WDFY3: variants seen among roughly 807,000 people sequenced by gnomAD.
WDFY3 encodes the protein WD repeat and FYVE domain-containing protein 3.
WDFY3 carries 66 observed loss-of-function variants against 409.6 expected under a neutral mutation model. The observed-to-expected ratio is 0.16, with a 90% CI of 0.13 to 0.20. The LOEUF (loss-of-function observed/expected upper bound fraction) is 0.20, where lower values mean the gene tolerates loss of function less well. WDFY3 is among the 10% of genes least tolerant of loss of function. The pLI is 1.00. For synonymous variants in WDFY3, 1,521 were observed against 1,537.1 expected, an observed-to-expected ratio of 0.99 and a Z score of 0.25; for missense variants, 3,031 against 4,298.1, an observed-to-expected ratio of 0.71 and a Z score of 8.24.
chr4:84,829,373 C>G (rs1560866989), intron 8 of WDFY3, among the ~76,000 whole-genome samples, 183 bp from the exon 9 acceptor site: 1 of 151,960 alleles, frequency 6.6e-6, no homozygotes, highest in Non-Finnish European at 1.5e-5. Flanking sequence ...AGCACTGCCT[C>G]TAGGTAGTAA....
chr4:84,696,658 A>C, intron 57 of WDFY3, 74 bp downstream of exon 57: 2 of 1,442,214 alleles, frequency 1.4e-6, no homozygotes, highest in Non-Finnish European at 1.9e-6. Context: ...TACTCTGGCT[A>C]GAGGCCCTGT....
intron 27 of WDFY3, among the ~76,000 whole-genome samples, chr4:84,778,208 A>G (rs1745884896): frequency 6.6e-6 from 1 of 152,182 alleles, no homozygotes; most frequent in African/African-American, 2.4e-5. Flanking sequence ...TTTCTATCAG[A>G]ATTGCCTGAT....
chr4:84,851,916 C>CCAT (rs1175840949), intron 4 of WDFY3, among the ~76,000 whole-genome samples: 1 of 112,382 alleles, frequency 8.9e-6, no homozygotes, highest in African/African-American at 3.7e-5. Context: ...AGACTGGCAA[C>CCAT]AATAATAATA....
At chr4:84,777,459 C>T (rs900411537) in intron 27 of WDFY3, among the ~76,000 whole-genome samples, 1 of 151,884 alleles carries the variant, frequency 6.6e-6, no homozygotes, top group Non-Finnish European at 1.5e-5. Context: ...CACCTGAAAG[C>T]TAGCAAAAGA....
At chr4:84,768,023 C>T (rs765579050) in intron 30 of WDFY3, among the ~76,000 whole-genome samples, 1 of 152,120 alleles carries the variant, frequency 6.6e-6, no homozygotes, top group African/African-American at 2.4e-5. Context: ...GCCGAGGCTG[C>T]AGTGAGCCAT....
intron 19 of WDFY3, 22 bp downstream of exon 19, chr4:84,796,498 TG>T: frequency 5.3e-6 from 8 of 1,498,006 alleles, no homozygotes; most frequent in Non-Finnish European, 7.2e-6. Flanking sequence ...CCATAAAGGT[TG>T]GCTTCCTTGC....
chr4:84,777,998 T>C (rs1407648425), intron 27 of WDFY3, among the ~76,000 whole-genome samples: 3 of 152,132 alleles, frequency 2.0e-5, no homozygotes, highest in Non-Finnish European at 4.4e-5. Context: ...CAAGGGTATG[T>C]AGGACAGCCT....
At chr4:84,934,426 T>C (rs1436469795) in intron 1 of WDFY3, among the ~76,000 whole-genome samples, 1 of 152,200 alleles carries the variant, frequency 6.6e-6, no homozygotes, top group African/African-American at 2.4e-5. Context: ...AGAAATATCC[T>C]GAATTATTTC....
chr4:84,716,279 A>C (rs1263299692), intron 49 of WDFY3, among the ~76,000 whole-genome samples: 1 of 150,924 alleles, frequency 6.6e-6, no homozygotes, highest in Non-Finnish European at 1.5e-5. Context: ...CTACTAAAAA[A>C]CAGAAAAAAA....
At chr4:84,792,687 G>A (rs1345093484) in intron 21 of WDFY3, among the ~76,000 whole-genome samples, 2 of 152,082 alleles carry the variant, frequency 1.3e-5, no homozygotes, top group African/African-American at 4.8e-5. Context: ...ATTACATTTA[G>A]TAATAAAAAT....
intron 5 of WDFY3, among the ~76,000 whole-genome samples, chr4:84,843,122 T>C (rs1389664221): frequency 6.6e-6 from 1 of 152,232 alleles, no homozygotes; most frequent in Non-Finnish European, 1.5e-5. Flanking sequence ...TTTCTACTAA[T>C]ATATTCCTTA....
At position 84,702,437 on chromosome 4, in the gene WDFY3, G is replaced by A; in HGVS notation, c.8512C>T (p.His2838Tyr). The A allele has an allele frequency of 1.2e-6, 2 of 1,613,894 alleles. No individual in the cohort carries two copies. Among genetic ancestry groups the A allele is most frequent in the Non-Finnish European group, 1.7e-6 (2 of 1,179,968 alleles). Residue 2838 changes from histidine (H) to tyrosine (Y), a missense_variant, in exon 56 of 68, where the codon CAC becomes TAC. Around this residue, in one of 16 missense-constraint regions of WDFY3, gnomAD observed 129 missense variants for 305.3 expected, o/e 0.42. Transcript: ENST00000295888. Reference sequence around the variant, plus strand: ...AGTTCTTTTACATCTGCCATATTGTGCTTTGACGCTGAATACCAGGCCTCG... The same window carrying A: ...AGTTCTTTTACATCTGCCATATTGTACTTTGACGCTGAATACCAGGCCTCG... ...VREAWYSASK[H>Y]NMADVKELIP...
rs945203495 is a variant in WDFY3, at chr4:84,960,596, A to G, written c.-226+5613T>C. On this transcript the variant is annotated intron_variant, in intron 1 of 67. Coordinates refer to ENST00000295888, the MANE Select transcript of WDFY3 (RefSeq NM_014991.6). Reference sequence around the variant, plus strand: ...TACGGGGTACTCAAACTGTGAATATAGCTATTCTTATTTACAGTCTAACAT... The same window carrying G: ...TACGGGGTACTCAAACTGTGAATATGGCTATTCTTATTTACAGTCTAACAT... 1.8e-4 allele frequency among the ~76,000 whole-genome samples: 28 copies of G among 152,160 alleles called. 1 individual carries two copies. The highest frequency in any genetic ancestry group is 1.8e-3 in the Admixed American group (28 of 15,276).
chr4:84,925,208 T>C (rs1286876402), intron 2 of WDFY3, among the ~76,000 whole-genome samples: 2 of 152,202 alleles, frequency 1.3e-5, no homozygotes, highest in African/African-American at 4.8e-5. Flanking sequence ...TCTTTTCCTA[T>C]TATTTTTCCA....
At chr4:84,744,891 A>G (rs567296536) in intron 36 of WDFY3, among the ~76,000 whole-genome samples, 1 of 151,466 alleles carries the variant, frequency 6.6e-6, no homozygotes, top group East Asian at 1.9e-4. Flanking sequence ...GTAAGAAGGA[A>G]AGAAAAACAC....
At chr4:84,749,025 G>C (rs985654903) in intron 36 of WDFY3, among the ~76,000 whole-genome samples, 2 of 151,974 alleles carry the variant, frequency 1.3e-5, no homozygotes, top group Non-Finnish European at 2.9e-5. Context: ...CAGTAGGTAG[G>C]ATACAGGCAC....
At chr4:84,957,817 T>G (rs1056961748) in intron 1 of WDFY3, among the ~76,000 whole-genome samples, 1 of 152,224 alleles carries the variant, frequency 6.6e-6, no homozygotes, top group African/African-American at 2.4e-5. Context: ...GCAGGACTCA[T>G]GTTTCACAGT....
At chr4:84,850,079 T>G (rs1437468373) in intron 4 of WDFY3, 54 bp from the exon 5 acceptor site, 10 of 1,523,372 alleles carry the variant, frequency 6.6e-6, no homozygotes, top group Non-Finnish European at 8.8e-6. Flanking sequence ...TTTCTTTTTA[T>G]TTTGTGAATT....
chr4:84,929,973 AG>A (rs1166087265), intron 2 of WDFY3, among the ~76,000 whole-genome samples: 1 of 152,038 alleles, frequency 6.6e-6, no homozygotes, highest in Non-Finnish European at 1.5e-5. Context: ...AAAGAGACAC[AG>A]GGAAAAGATG....
Sources: allele counts gnomAD v4.1 joint callset (sites outside exome capture counted in the v4.1 genomes callset), GRCh38; gene constraint gnomAD v4.1.1; regional missense constraint gnomAD v4.1.1; transcripts MANE v1.5; gene names NCBI Gene and HGNC (gene_info 2026-07-23, HGNC 2026-07-21).